Variants in DENND2A observed in about 807,000 individuals in gnomAD.
DENND2A encodes the protein DENN domain containing 2A.
Under a neutral mutation model 105.3 loss-of-function variants are expected in DENND2A, and 53 were observed. The ratio of observed to expected loss-of-function variants is 0.50; its 90% CI spans 0.40 to 0.63. DENND2A has a LOEUF of 0.63. DENND2A is among the 30% of genes least tolerant of loss of function. The pLI, the probability that DENND2A is intolerant of heterozygous loss-of-function variation, is 0.00. For missense variants in DENND2A, 1,138 were observed against 1,279.6 expected (o/e 0.89, Z 1.69); for synonymous variants, 522 against 508.4 (o/e 1.03, Z -0.36).
At chr7:140,544,843 G>A (rs1177154613) in intron 13 of DENND2A, 77 bp from the exon 14 acceptor site, 3 of 1,541,744 alleles carry the variant, frequency 1.9e-6, no homozygotes, top group Non-Finnish European at 2.6e-6. Flanking sequence ...CGCAGTCCCA[G>A]GGCTCTGAGG....
At chr7:140,539,748 C>T (rs1000174358) in intron 14 of DENND2A, among the ~76,000 whole-genome samples, 2 of 152,276 alleles carry the variant, frequency 1.3e-5, no homozygotes, top group East Asian at 3.8e-4. Context: ...CTCCACGCCC[C>T]GTCGCTGCCG....
At chr7:140,562,138 T>G (rs1470789669) in intron 9 of DENND2A, among the ~76,000 whole-genome samples, 1 of 151,902 alleles carries the variant, frequency 6.6e-6, no homozygotes, top group African/African-American at 2.4e-5. Flanking sequence ...GATCCCTGAC[T>G]TGGCCTCCCA....
Position 140,562,778 on chromosome 7 carries a change from GCAATCAATCGGTAAAACA to G in DENND2A, c.1780-2979_1780-2962del, listed in dbSNP as rs1797684366. ...GCCACTAATACTAGTGGTTAAGACA[GCAATCAATCGGTAAAACA>G]CAGTCACTATTTATAGACTTAGTTG... On this transcript the variant is annotated intron_variant, in intron 9 of 19. Coordinates refer to ENST00000496613, the MANE Select transcript of DENND2A (RefSeq NM_015689.5). 1.3e-5 allele frequency among the ~76,000 whole-genome samples: 2 copies of G among 152,200 alleles called. 1 individual carries two copies. The highest frequency in any genetic ancestry group is 4.1e-4 in the South Asian group (2 of 4,834).
At chr7:140,520,527 C>T (rs1168498030) in intron 18 of DENND2A, among the ~76,000 whole-genome samples, 1 of 151,450 alleles carries the variant, frequency 6.6e-6, no homozygotes, top group Non-Finnish European at 1.5e-5. Flanking sequence ...GTCTTCATTG[C>T]TGACTGATCT....
In DENND2A at chr7:140,601,935, C is replaced by T. The variant is rs913049832; in HGVS notation, c.463G>A (p.Asp155Asn). 7 of 1,614,048 alleles carry T rather than the reference C, an allele frequency of 4.3e-6. No individual in the cohort carries two copies. The highest frequency in any genetic ancestry group is 2.2e-5 in the East Asian group (1 of 44,866). ...PRLGKLRFQN[D>N]PLSVLKQVKK... ...ACCTGCTTCAGCACGGAGAGGGGAT[C>T]GTTCTGAAAGCGTAGCTTGCCAAGT... Residue 155 changes from aspartate to asparagine, a missense_variant, in exon 3 of 20, where the codon GAT (aspartate) becomes AAT (asparagine). Asp to Asn is a conservative substitution (Grantham distance 23). Around this residue, in one of 2 missense-constraint regions of DENND2A, gnomAD observed 511 missense variants for 499.9 expected, o/e 1.02. Transcript: ENST00000496613.
At chr7:140,564,601 T>C (rs1389687673) in intron 9 of DENND2A, among the ~76,000 whole-genome samples, 2 of 152,182 alleles carry the variant, frequency 1.3e-5, no homozygotes. Flanking sequence ...GTGGGATTAC[T>C]AGTGATTTCT....
At chr7:140,550,212 G>A (rs1797069880) in intron 12 of DENND2A, among the ~76,000 whole-genome samples, 1 of 152,030 alleles carries the variant, frequency 6.6e-6, no homozygotes, top group Admixed American at 6.6e-5. Context: ...TTTCTTTTGA[G>A]ACAGAGTTTC....
chr7:140,624,906 T>C (rs115277947), intron 1 of DENND2A, among the ~76,000 whole-genome samples: 1 of 149,284 alleles, frequency 6.7e-6, no homozygotes, highest in East Asian at 2.0e-4. Context: ...CATCTCTCTC[T>C]GTTGCCAAGG....
intron 3 of DENND2A, among the ~76,000 whole-genome samples, chr7:140,590,748 T>G (rs1423717130): frequency 1.3e-5 from 2 of 152,120 alleles, no homozygotes; most frequent in Non-Finnish European, 2.9e-5. Context: ...GGCATGTGCC[T>G]GAAGTTCCAA....
chr7:140,590,256 G>A (rs958739427), intron 3 of DENND2A, among the ~76,000 whole-genome samples: 10 of 152,108 alleles, frequency 6.6e-5, no homozygotes, highest in African/African-American at 2.4e-4. Flanking sequence ...TGGGCATGGT[G>A]GTGTGCACCT....
intron 19 of DENND2A, among the ~76,000 whole-genome samples, chr7:140,519,298 C>T (rs960262507): frequency 1.3e-5 from 2 of 152,182 alleles, no homozygotes; most frequent in African/African-American, 4.8e-5. Context: ...GACACCAGTG[C>T]GAGTCTTTCT....
chr7:140,529,008 G>A (rs1796161386), intron 14 of DENND2A, among the ~76,000 whole-genome samples: 1 of 151,948 alleles, frequency 6.6e-6, no homozygotes, highest in South Asian at 2.1e-4. Flanking sequence ...AGGAGGTTGA[G>A]GTGGGAGAAC....
At chr7:140,569,421 G>T (rs1167400068) in intron 7 of DENND2A, among the ~76,000 whole-genome samples, 1 of 152,216 alleles carries the variant, frequency 6.6e-6, no homozygotes, top group Non-Finnish European at 1.5e-5. Context: ...CTGCAGTACT[G>T]GGCTGACTTG....
chr7:140,523,806 C>A lies in DENND2A; in HGVS notation c.2548-382G>T, dbSNP rs1795947736. ...CAGGCTGGTCTCGAACTCCTGACCTCAGGTGATCCGCCCACCTTGGTCTCC... is the reference window on the plus strand; with the variant it reads ...CAGGCTGGTCTCGAACTCCTGACCTAAGGTGATCCGCCCACCTTGGTCTCC... On this transcript the variant is annotated intron_variant, in intron 16 of 19. Coordinates refer to ENST00000496613, the MANE Select transcript of DENND2A (RefSeq NM_015689.5). The surrounding 1 kb of genome is among the most constrained non-coding windows in gnomAD (Gnocchi z 4.5). Among the ~76,000 whole-genome samples the A allele has an allele frequency of 1.3e-5, 2 of 152,194 alleles. No homozygotes were observed. The highest frequency in any genetic ancestry group is 1.3e-4 in the Admixed American group (2 of 15,274).
intron 18 of DENND2A, among the ~76,000 whole-genome samples, chr7:140,521,410 AC>A (rs1255135464): frequency 1.3e-5 from 2 of 152,004 alleles, no homozygotes; most frequent in Non-Finnish European, 2.9e-5. Context: ...AGGAGCTGGG[AC>A]CACAGGCACA....
chr7:140,611,897 T>C (rs2130704904), intron 1 of DENND2A, among the ~76,000 whole-genome samples: 1 of 152,286 alleles, frequency 6.6e-6, no homozygotes, highest in South Asian at 2.1e-4. Context: ...GCGGTGATAG[T>C]TGCACAATGC....
In DENND2A at chr7:140,584,099, A is replaced by G. The variant is rs537939310; in HGVS notation, c.1245+1490T>C. Among the ~76,000 whole-genome samples the G allele has an allele frequency of 1.4e-4, 21 of 147,748 alleles. 1 individual carries two copies. In the South Asian group the frequency reaches 4.4e-3, roughly 31 times the overall value. On this transcript the variant is annotated intron_variant, in intron 5 of 19. Transcript: ENST00000496613. ...TCTACTAAAAGTACAAAAATTAGCC[A>G]GGCGTGGAGGCGCATGCCTGTAATC...
At chr7:140,542,574 T>C (rs1399139709) in intron 14 of DENND2A, among the ~76,000 whole-genome samples, 1 of 148,878 alleles carries the variant, frequency 6.7e-6, no homozygotes, top group Admixed American at 6.7e-5. Flanking sequence ...TCTTTTTTTT[T>C]TTTTTTTTTT....
intron 1 of DENND2A, among the ~76,000 whole-genome samples, chr7:140,632,965 G>A (rs1311043640): frequency 4.7e-5 from 7 of 149,566 alleles, no homozygotes; most frequent in Non-Finnish European, 1.0e-4. Context: ...GGGTTCAAGC[G>A]ATTCTCCTGC....
Sources: allele counts gnomAD v4.1 joint callset (sites outside exome capture counted in the v4.1 genomes callset), GRCh38; gene constraint gnomAD v4.1.1; regional missense constraint gnomAD v4.1.1; non-coding constraint Gnocchi (gnomAD v3.1); transcripts MANE v1.5; gene names NCBI Gene and HGNC (gene_info 2026-07-23, HGNC 2026-07-21).